MAP4K5: variants seen among roughly 807,000 people sequenced by gnomAD.
The protein encoded by MAP4K5 is MAPK/ERK kinase kinase kinase 5.
MAP4K5 carries 82 observed loss-of-function variants against 135.6 expected under a neutral mutation model. That is an observed-to-expected ratio of 0.60 (90% confidence interval 0.51 to 0.73). The LOEUF (loss-of-function observed/expected upper bound fraction) is 0.73, where lower values mean the gene tolerates loss of function less well. Among genes scored for constraint, MAP4K5 ranks in the 30% least tolerant of loss-of-function variants. The pLI is 0.00. For synonymous variants in MAP4K5, 347 were observed against 335.0 expected (o/e 1.04, Z -0.39); for missense variants, 907 against 1,010.9 (o/e 0.90, Z 1.39).
intron 1 of MAP4K5, 126 bp from the exon 2 acceptor site, chr14:50,532,284 A>C: frequency 2.2e-6 from 1 of 456,030 alleles, no homozygotes; most frequent in Non-Finnish European, 3.8e-6. Context: ...GGGGCCTGGA[A>C]GGGCCCCCGG....
chr14:50,426,388 C>T (rs760599583), intron 30 of MAP4K5, among the ~76,000 whole-genome samples: 8 of 152,110 alleles, frequency 5.3e-5, no homozygotes, highest in Non-Finnish European at 1.2e-4. Context: ...TTTAAACAAG[C>T]ATTTTTTATG....
intron 13 of MAP4K5, among the ~76,000 whole-genome samples, chr14:50,457,857 T>C (rs116355842): frequency 0.03 from 4,589 of 152,284 alleles, 206 homozygotes; most frequent in African/African-American, 0.1. Context: ...TGGTAGCACA[T>C]AATTTCAAGT....
intron 1 of MAP4K5, chr14:50,560,172 G>A (rs1213046862): frequency 1.4e-6 from 2 of 1,478,502 alleles, no homozygotes; most frequent in African/African-American, 2.8e-5. Context: ...CGCCCAGCGC[G>A]GGCACGGAGC....
intron 9 of MAP4K5, 119 bp downstream of exon 9, chr14:50,474,958 T>C: frequency 1.2e-6 from 1 of 854,556 alleles, no homozygotes; most frequent in South Asian, 1.5e-5. Context: ...TATGATACTG[T>C]CAAAGAGCAC....
Position 50,447,463 on chromosome 14 carries a change from T to C in MAP4K5, c.1093A>G (p.Asn365Asp). 6.5e-7 allele frequency: 1 copy of C among 1,549,630 alleles called. No homozygotes were observed. Among genetic ancestry groups the C allele is most frequent in the Non-Finnish European group, 8.7e-7 (1 of 1,144,388 alleles). The change falls in exon 16 of 33, where the codon AAT becomes GAT. Residue 365 changes from asparagine (N) to aspartate (D), a missense_variant. Asn to Asp is a conservative substitution (Grantham distance 23, BLOSUM62 1). Around this residue, in one of 3 missense-constraint regions of MAP4K5, gnomAD observed 690 missense variants for 777.4 expected, o/e 0.89. Transcript: ENST00000682126. ...RDEMGLSSDP[N>D]FMLQWNPFVD... is the part of the protein sequence containing the mutation. Reference sequence around the variant, plus strand: ...AAAGGATTCCACTGTAACATGAAATTTGGGTCTGATGACAATCCCTGTAAA... The same window carrying C: ...AAAGGATTCCACTGTAACATGAAATCTGGGTCTGATGACAATCCCTGTAAA...
intron 1 of MAP4K5, among the ~76,000 whole-genome samples, chr14:50,546,524 G>T (rs1603013): frequency 6.6e-6 from 1 of 152,230 alleles, no homozygotes; most frequent in Non-Finnish European, 1.5e-5. Context: ...TTTTAAGTTT[G>T]TGTAAATTTA....
chr14:50,440,069 A>C lies in MAP4K5; in HGVS notation c.1649T>G (p.Phe550Cys). 4.7e-6 allele frequency: 7 copies of C among 1,482,224 alleles called. No homozygotes were observed. The highest frequency in any genetic ancestry group is 1.4e-5 in the African/African-American group (1 of 70,758). 91.8% of individuals were successfully genotyped at this position (1,482,224 alleles called of 1,614,324 possible). ...ELHEATMEQL[F>C]PRKCTWLYVI... The stretch of plus-strand genomic sequence containing the variant: ...ATACAGCCAAGTACACTTCCGTGGA[A>C]ATAACTAAGAAAAAGAAGATAATTA... Residue 550 changes from phenylalanine (F) to cysteine (C), a missense_variant, in exon 23 of 33, where the codon TTT becomes TGT. Physicochemically the swap from Phe to Cys is radical, Grantham distance 205 (BLOSUM62 -2). Around this residue, in one of 3 missense-constraint regions of MAP4K5, gnomAD observed 690 missense variants for 777.4 expected, o/e 0.89. Transcript: ENST00000682126.
At chr14:50,467,086 TG>T (rs951659298) in intron 10 of MAP4K5, among the ~76,000 whole-genome samples, 2 of 152,130 alleles carry the variant, frequency 1.3e-5, no homozygotes, top group Admixed American at 1.3e-4. Context: ...ATTTCCTGAT[TG>T]TTTTCCTTTT....
intron 13 of MAP4K5, among the ~76,000 whole-genome samples, chr14:50,459,960 C>T (rs2036674675): frequency 6.6e-6 from 1 of 152,102 alleles, no homozygotes; most frequent in Non-Finnish European, 1.5e-5. Context: ...CTCAGCCTCC[C>T]ACAGTGCTGA....
intron 1 of MAP4K5, among the ~76,000 whole-genome samples, chr14:50,549,841 C>T (rs1434135851): frequency 6.6e-6 from 1 of 152,170 alleles, no homozygotes; most frequent in African/African-American, 2.4e-5. Flanking sequence ...TAAGAATCTC[C>T]CTGAAACCAT....
At chr14:50,546,393 TG>T (rs2038632442) in intron 1 of MAP4K5, among the ~76,000 whole-genome samples, 2 of 151,676 alleles carry the variant, frequency 1.3e-5, no homozygotes, top group Non-Finnish European at 2.9e-5. Context: ...TGTGTGTGTG[TG>T]AGAGAGCATA....
chr14:50,479,312 C>T (rs527570032), intron 6 of MAP4K5, among the ~76,000 whole-genome samples: 22 of 151,910 alleles, frequency 1.4e-4, no homozygotes, highest in African/African-American at 5.3e-4. Flanking sequence ...TAAAAAATTA[C>T]TTTTTCTTTC....
chr14:50,468,379 A>G (rs73286572), intron 10 of MAP4K5: 5,031 of 339,580 alleles, frequency 0.015, 213 homozygotes, highest in African/African-American at 0.096. Context: ...CAGCAATACA[A>G]GACAGGTTTT....
chr14:50,501,432 T>A (rs1353199684), intron 3 of MAP4K5, among the ~76,000 whole-genome samples: 1 of 151,862 alleles, frequency 6.6e-6, no homozygotes, highest in Non-Finnish European at 1.5e-5. Flanking sequence ...TTTTTAAAAT[T>A]TAAGAAAATA....
At position 50,435,085 on chromosome 14, in the gene MAP4K5, C is replaced by G. The variant is rs1566638078; in HGVS notation, c.1883-20G>C. On this transcript the variant is annotated intron_variant, in intron 26 of 32. Transcript: ENST00000682126. ...TTCTGACTGGAAAGAAATAAACAAA[C>G]AAAAAACCCAGACACACTCAAAATA... 3 of 1,364,544 alleles carry G rather than the reference C, an allele frequency of 2.2e-6. No individual in the cohort carries two copies. Among genetic ancestry groups the G allele is most frequent in the South Asian group, 1.2e-5 (1 of 81,228 alleles). 84.5% of individuals were successfully genotyped at this position (1,364,544 alleles called of 1,614,324 possible). A position where few individuals can be genotyped will look rare whatever the true frequency, so the allele number is the denominator to read the frequency against.
At chr14:50,558,017 A>C (rs565077081) in intron 1 of MAP4K5, among the ~76,000 whole-genome samples, 36 of 152,362 alleles carry the variant, frequency 2.4e-4, no homozygotes, top group African/African-American at 7.9e-4. Context: ...AAGAATGGTG[A>C]TGCATAGCAC....
rs993189580 is a variant in MAP4K5 at position 50,481,434 on chromosome 14, T to C, written c.378+927A>G. On this transcript the variant is annotated intron_variant, in intron 6 of 32. Transcript: ENST00000682126. ...TAGAACTTTTTCCTGATCAGCCAAA[T>C]CTCCCATTTTGGAAAATATTAGAGA... is the stretch of plus-strand genomic sequence containing the variant. Among the ~76,000 whole-genome samples the C allele has an allele frequency of 5.9e-5, 9 of 152,034 alleles. No homozygotes were observed. The South Asian group carries it at 8.3e-4, about 14-fold the overall frequency.
At chr14:50,453,435 T>C (rs572765517) in intron 14 of MAP4K5, among the ~76,000 whole-genome samples, 1 of 152,266 alleles carries the variant, frequency 6.6e-6, no homozygotes, top group African/African-American at 2.4e-5. Flanking sequence ...CAAGGATACT[T>C]TGTACATGTA....
intron 2 of MAP4K5, among the ~76,000 whole-genome samples, chr14:50,529,232 C>A (rs1442942401): frequency 6.6e-6 from 1 of 151,740 alleles, no homozygotes; most frequent in Non-Finnish European, 1.5e-5. Flanking sequence ...AAAAAAAATA[C>A]AAAAATTAGC....
Sources: gnomAD v4.1 joint callset for allele counts (sites outside exome capture counted in the v4.1 genomes callset) on GRCh38, gnomAD v4.1.1 for gene constraint, gnomAD v4.1.1 regional missense constraint, MANE v1.5 for transcripts, NCBI Gene and HGNC (gene_info 2026-07-23, HGNC 2026-07-21) for gene names.